Variants in MEAF6 observed in about 807,000 individuals in gnomAD.
MEAF6 encodes the protein MYST/Esa1 associated factor 6, also known as chromatin modification-related protein MEAF6.
A neutral mutation model predicts 28.9 loss-of-function variants in MEAF6; 15 were observed. The ratio of observed to expected loss-of-function variants is 0.52; its 90% CI spans 0.35 to 0.80. The LOEUF (loss-of-function observed/expected upper bound fraction) is 0.80. MEAF6 is among the 30% of genes least tolerant of loss of function. MEAF6 has a pLI of 0.01. For synonymous variants in MEAF6, 97 were observed against 88.7 expected (o/e 1.09, Z -0.53); for missense variants, 178 against 237.5 (o/e 0.75, Z 1.65).
intron 6 of MEAF6, among the ~76,000 whole-genome samples, chr1:37,494,925 G>T (rs1355788082): frequency 6.6e-6 from 1 of 151,816 alleles, no homozygotes. Flanking sequence ...GTCCATAAAG[G>T]GATTGAAACA....
intron 5 of MEAF6, among the ~76,000 whole-genome samples, chr1:37,499,714 A>G (rs933468546): frequency 6.6e-6 from 1 of 152,220 alleles, no homozygotes; most frequent in Admixed American, 6.5e-5. Context: ...AGTAACTAAT[A>G]TCGAAGATTT....
intron 2 of MEAF6, among the ~76,000 whole-genome samples, chr1:37,512,156 A>G (rs1642690898): frequency 6.6e-6 from 1 of 151,896 alleles, no homozygotes; most frequent in Non-Finnish European, 1.5e-5. Flanking sequence ...GGAATAGTTC[A>G]GTAACTTCAT....
intron 4 of MEAF6, 60 bp downstream of exon 4, chr1:37,509,218 G>GCA: frequency 7.2e-7 from 1 of 1,381,984 alleles, no homozygotes; most frequent in South Asian, 1.2e-5. Flanking sequence ...GATGAATTAA[G>GCA]TGTAAGGGTG....
chr1:37,514,443 GCTCCCGGCTCT>G (rs1642773066), intron 1 of MEAF6: 1 of 299,802 alleles, frequency 3.3e-6, no homozygotes, highest in East Asian at 5.4e-5. Context: ...CCCCTCCCGC[GCTCCCGGCTCT>G]CTCCCGGCTC....
chr1:37,513,582 C>T, intron 1 of MEAF6, 44 bp from the exon 2 acceptor site: 1 of 1,451,034 alleles, frequency 6.9e-7, no homozygotes, highest in African/African-American at 1.4e-5. Flanking sequence ...CTTTTAAATG[C>T]AAACACTTAA....
chr1:37,509,654 C>T, intron 2 of MEAF6, 112 bp from the exon 3 acceptor site: 2 of 840,404 alleles, frequency 2.4e-6, no homozygotes, highest in South Asian at 1.7e-5. Context: ...CTCAGACTGG[C>T]CCAAACGACC....
At chr1:37,504,111 A>G (rs765227946) in intron 4 of MEAF6, among the ~76,000 whole-genome samples, 1 of 152,122 alleles carries the variant, frequency 6.6e-6, no homozygotes, top group Non-Finnish European at 1.5e-5. Context: ...TGTGATAGTG[A>G]GGGAGTTCTC....
At chr1:37,501,574 T>C (rs1642304840) in intron 5 of MEAF6, 1 of 393,126 alleles carries the variant, frequency 2.5e-6, no homozygotes. Context: ...AATAAAACTA[T>C]TCTACACTAG....
chr1:37,504,829 T>C lies in MEAF6; in HGVS notation c.341-2833A>G, dbSNP rs1642430763. On this transcript the variant is annotated intron_variant, in intron 4 of 6. Transcript: ENST00000296214. ...CACACACACACACACACACACACAT[T>C]ATCTATTTCTAAAACTTGTCAAAAA... 2.1e-5 allele frequency among the ~76,000 whole-genome samples: 3 copies of C among 139,812 alleles called. No homozygotes were observed. In the Admixed American group the frequency reaches 2.2e-4, roughly 10 times the overall value. The allele number at this position is 139,812 out of a possible 152,430, so 91.7% of individuals were successfully genotyped here.
chr1:37,502,767 A>T (rs1282641572), intron 4 of MEAF6, among the ~76,000 whole-genome samples: 1 of 151,652 alleles, frequency 6.6e-6, no homozygotes, highest in Non-Finnish European at 1.5e-5. Context: ...GCAGGTGCCC[A>T]TAAGCATAAG....
chr1:37,498,184 A>G (rs1642180891), intron 5 of MEAF6, among the ~76,000 whole-genome samples: 1 of 152,240 alleles, frequency 6.6e-6, no homozygotes, highest in African/African-American at 2.4e-5. Flanking sequence ...TAAAGCTGGA[A>G]GAAAGCTTAA....
chr1:37,511,717 T>C (rs1642676817), intron 2 of MEAF6, among the ~76,000 whole-genome samples: 1 of 152,188 alleles, frequency 6.6e-6, no homozygotes, highest in Non-Finnish European at 1.5e-5. Flanking sequence ...TTTTAATCAG[T>C]CATGAGTTTT....
At chr1:37,500,398 A>G (rs1225569344) in intron 5 of MEAF6, among the ~76,000 whole-genome samples, 1 of 152,238 alleles carries the variant, frequency 6.6e-6, no homozygotes, top group Non-Finnish European at 1.5e-5. Context: ...TTTTAAGAAT[A>G]TATTTCTCTG....
chr1:37,499,246 A>C (rs751330146), intron 5 of MEAF6, among the ~76,000 whole-genome samples: 1 of 152,200 alleles, frequency 6.6e-6, no homozygotes, highest in Non-Finnish European at 1.5e-5. Context: ...GCTCACCACT[A>C]AACAGTGTCT....
chr1:37,514,431 T>G (rs1406854395), intron 1 of MEAF6: 5 of 244,750 alleles, frequency 2.0e-5, no homozygotes, highest in South Asian at 1.1e-4. Context: ...CCGCTTCCCC[T>G]CCCCCTCCCG....
At chr1:37,495,365 T>C (rs968227546) in intron 6 of MEAF6, among the ~76,000 whole-genome samples, 1 of 149,584 alleles carries the variant, frequency 6.7e-6, no homozygotes, top group Non-Finnish European at 1.5e-5. Flanking sequence ...AATAAATAAA[T>C]AAATAAATAA....
intron 5 of MEAF6, among the ~76,000 whole-genome samples, chr1:37,497,166 A>G (rs986187955): frequency 2.0e-4 from 30 of 152,250 alleles, no homozygotes; most frequent in Admixed American, 4.6e-4. Flanking sequence ...ATAAAAAACT[A>G]CAACACAGTC....
In MEAF6 at chr1:37,494,010, C is replaced by T. The variant is rs1642030179; in HGVS notation, c.*89G>A. ...CTGGGAGAGCAGAGGTGGATGGCCA[C>T]GAACTCAGGTGAAGGATGTTTATCT... On this transcript the variant is annotated 3_prime_UTR_variant, in exon 7 of 7. Coordinates refer to ENST00000296214, the MANE Select transcript of MEAF6 (RefSeq NM_001270875.3). The T allele has an allele frequency of 5.0e-6, 8 of 1,589,186 alleles. No homozygotes were observed. The highest frequency in any genetic ancestry group is 1.9e-5 in the Admixed American group (1 of 53,312).
chr1:37,502,898 G>A (rs2148073666), intron 4 of MEAF6, among the ~76,000 whole-genome samples: 1 of 151,874 alleles, frequency 6.6e-6, no homozygotes, highest in South Asian at 2.1e-4. Flanking sequence ...GAGATTACAG[G>A]CATGAGCCAC....
Sources: allele counts gnomAD v4.1 joint callset (sites outside exome capture counted in the v4.1 genomes callset), GRCh38; gene constraint gnomAD v4.1.1; transcripts MANE v1.5; gene names NCBI Gene and HGNC (gene_info 2026-07-23, HGNC 2026-07-21).